The following RALY variants were observed in gnomAD, a reference collection of about 807,000 sequenced individuals.
RALY encodes the protein RNA-binding protein Raly.
A neutral mutation model predicts 30.7 loss-of-function variants in RALY; 15 were observed. The observed-to-expected ratio is 0.49, with a 90% CI of 0.33 to 0.75. RALY has a LOEUF of 0.75. RALY is among the 30% of genes least tolerant of loss of function. The probability of loss-of-function intolerance (pLI) is 0.02; values close to 1 mark genes in which losing one functional copy is unlikely to be tolerated. For missense variants in RALY, 339 were observed against 414.3 expected (o/e 0.82, Z 1.58); for synonymous variants, 177 against 170.8 (o/e 1.04, Z -0.28).
At chr20:34,051,800 T>C (rs1456279189) in intron 2 of RALY, among the ~76,000 whole-genome samples, 13 of 152,082 alleles carry the variant, frequency 8.5e-5, no homozygotes, top group Non-Finnish European at 1.9e-4. Flanking sequence ...AGAGACGGGT[T>C]TTCACCGTGT....
intron 2 of RALY, among the ~76,000 whole-genome samples, chr20:34,060,903 G>A (rs1253092185): frequency 6.6e-6 from 1 of 152,296 alleles, no homozygotes; most frequent in East Asian, 1.9e-4. Flanking sequence ...CACTAATTGT[G>A]CCTTTGAGCA....
At chr20:34,037,755 A>G (rs781651995) in intron 2 of RALY, among the ~76,000 whole-genome samples, 15 of 152,332 alleles carry the variant, frequency 9.8e-5, no homozygotes, top group Non-Finnish European at 1.9e-4. Flanking sequence ...GGGACCTGGG[A>G]TAGAGTCTGA....
intron 2 of RALY, among the ~76,000 whole-genome samples, chr20:34,044,094 C>T (rs77881633): frequency 0.016 from 2,409 of 152,010 alleles, 186 homozygotes; most frequent in Admixed American, 0.13. Context: ...GTGGGTGTTT[C>T]AGAGAAGGGA....
At chr20:34,068,215 C>T (rs2033632713) in intron 2 of RALY, among the ~76,000 whole-genome samples, 1 of 152,150 alleles carries the variant, frequency 6.6e-6, no homozygotes, top group African/African-American at 2.4e-5. Context: ...CTCTCAATTA[C>T]ACAGCTAATC....
At chr20:33,994,275 TA>T (rs2122941881) in intron 1 of RALY, 144 bp downstream of exon 1, 1 of 152,352 alleles carries the variant, frequency 6.6e-6, no homozygotes, top group South Asian at 2.1e-4. Flanking sequence ...GGAGCCCGAG[TA>T]ACTCTAGGCC....
chr20:34,059,826 G>A (rs1018398785), intron 2 of RALY, among the ~76,000 whole-genome samples: 4 of 152,188 alleles, frequency 2.6e-5, no homozygotes, highest in East Asian at 3.9e-4. Flanking sequence ...GTGAGCAACT[G>A]AGGGCTTCTT....
At chr20:34,072,380 A>G (rs761712566) in intron 3 of RALY, 50 bp downstream of exon 3, 3 of 1,566,590 alleles carry the variant, frequency 1.9e-6, no homozygotes, top group Middle Eastern at 2.0e-4. Flanking sequence ...AATAGCTGCT[A>G]TCACTATCCA....
intron 1 of RALY, among the ~76,000 whole-genome samples, chr20:34,009,110 C>CA (rs1726504128): frequency 2.6e-5 from 4 of 152,086 alleles, no homozygotes; most frequent in Admixed American, 2.0e-4. Context: ...GAGAAAGTAG[C>CA]AGAGGCTAGA....
At chr20:33,997,677 C>T (rs960622138) in intron 1 of RALY, among the ~76,000 whole-genome samples, 14 of 152,190 alleles carry the variant, frequency 9.2e-5, no homozygotes, top group African/African-American at 2.7e-4. Flanking sequence ...TGGATACTCA[C>T]TGCTTGCAGT....
rs199501073 is a variant in RALY at position 34,007,116 on chromosome 20, CTG to C, written c.-93+12986_-93+12987del. On this transcript the variant is annotated intron_variant, in intron 1 of 9. Transcript: ENST00000246194. ...CTTATTTTGTAGGTAAGAAAACAGACTGAGAGAGGTCGGGTGGCTTGTCCAAG... is the reference window on the plus strand; with the variant it reads ...CTTATTTTGTAGGTAAGAAAACAGACAGAGAGGTCGGGTGGCTTGTCCAAG... Among the ~76,000 whole-genome samples, 105 of 152,280 alleles carry C rather than the reference CTG, an allele frequency of 6.9e-4. 1 individual carries two copies. The East Asian group carries it at 0.019, about 27-fold the overall frequency.
intron 1 of RALY, among the ~76,000 whole-genome samples, chr20:34,004,062 A>G (rs1033290319): frequency 6.6e-6 from 1 of 152,216 alleles, no homozygotes; most frequent in African/African-American, 2.4e-5. Context: ...TCTGGTTAGT[A>G]GTTATAGATA....
chr20:34,022,902 T>C (rs2031882216), intron 1 of RALY, among the ~76,000 whole-genome samples: 1 of 152,230 alleles, frequency 6.6e-6, no homozygotes, highest in South Asian at 2.1e-4. Context: ...CCCTCTCTTT[T>C]CAATCTAGAA....
chr20:33,998,259 G>A (rs1049311798), intron 1 of RALY, among the ~76,000 whole-genome samples: 4 of 152,200 alleles, frequency 2.6e-5, no homozygotes, highest in African/African-American at 9.7e-5. Context: ...GAAAAATGAT[G>A]CCTAACCCAG....
intron 1 of RALY, among the ~76,000 whole-genome samples, chr20:34,013,754 A>T (rs902134624): frequency 1.3e-5 from 2 of 152,208 alleles, no homozygotes; most frequent in African/African-American, 4.8e-5. Flanking sequence ...CATTCATTGG[A>T]TCGAGACAGT....
At chr20:34,012,426 CGTT>C (rs1489456762) in intron 1 of RALY, among the ~76,000 whole-genome samples, 5 of 143,528 alleles carry the variant, frequency 3.5e-5, no homozygotes, top group Non-Finnish European at 7.8e-5. Context: ...ATCTATCCCT[CGTT>C]GTGCCTTGCT....
At chr20:33,995,952 G>A (rs1488293657) in intron 1 of RALY, among the ~76,000 whole-genome samples, 3 of 152,204 alleles carry the variant, frequency 2.0e-5, no homozygotes, top group Non-Finnish European at 4.4e-5. Context: ...TCCCAAGGAA[G>A]TTTTATAGTC....
intron 1 of RALY, chr20:34,017,324 A>G (rs1262375129): frequency 6.6e-6 from 1 of 152,244 alleles, no homozygotes; most frequent in Non-Finnish European, 1.5e-5. Flanking sequence ...ATTGTCATAT[A>G]GCATAATCTC....
intron 1 of RALY, among the ~76,000 whole-genome samples, chr20:34,007,257 C>T (rs922091642): frequency 2.0e-5 from 3 of 152,212 alleles, no homozygotes; most frequent in African/African-American, 7.2e-5. Flanking sequence ...GTCAGCCGGG[C>T]ACACCTGTAA....
At chr20:34,057,680 A>G (rs1043144126) in intron 2 of RALY, among the ~76,000 whole-genome samples, 15 of 152,006 alleles carry the variant, frequency 9.9e-5, no homozygotes, top group Non-Finnish European at 2.2e-4. Flanking sequence ...AAAAAAAAAA[A>G]AAAAACAACC....
Sources: allele counts gnomAD v4.1 joint callset (sites outside exome capture counted in the v4.1 genomes callset), GRCh38; gene constraint gnomAD v4.1.1; transcripts MANE v1.5; gene names NCBI Gene and HGNC (gene_info 2026-07-23, HGNC 2026-07-21).